Variants in MYO3A observed in about 807,000 individuals in gnomAD.
MYO3A encodes myosin IIIA.
MYO3A carries 180 observed loss-of-function variants against 192.7 expected under a neutral mutation model. That is an observed-to-expected ratio of 0.93 (90% CI 0.83 to 1.06). MYO3A has a LOEUF of 1.06. MYO3A is among the 50% of genes least tolerant of loss of function. The pLI is 0.00. For missense variants in MYO3A, 1,896 were observed against 1,905.0 expected (o/e 1.00, Z 0.09); for synonymous variants, 628 against 645.3 (o/e 0.97, Z 0.41).
intron 12 of MYO3A, 84 bp downstream of exon 12, chr10:26,068,968 A>C (rs1359407119): frequency 3.2e-6 from 3 of 939,176 alleles, no homozygotes; most frequent in Non-Finnish European, 5.1e-6. Flanking sequence ...GAATGCCAGA[A>C]AATTTTATCC....
chr10:25,992,724 T>C (rs553405454), intron 4 of MYO3A, among the ~76,000 whole-genome samples: 1 of 152,326 alleles, frequency 6.6e-6, no homozygotes, highest in Admixed American at 6.5e-5. Context: ...TGAAGGGCTG[T>C]TGAATTTTGT....
intron 31 of MYO3A, 73 bp downstream of exon 31, chr10:26,176,918 C>A: frequency 6.5e-7 from 1 of 1,539,224 alleles, no homozygotes; most frequent in Non-Finnish European, 9.0e-7. Context: ...AGTTTCCCAC[C>A]ATTATTCTAT....
intron 14 of MYO3A, among the ~76,000 whole-genome samples, chr10:26,084,837 A>G (rs1256273285): frequency 6.6e-6 from 1 of 152,220 alleles, no homozygotes; most frequent in African/African-American, 2.4e-5. Flanking sequence ...TTTAAGAAGT[A>G]TTGGTATTGA....
chr10:26,140,684 CAAAA>C (rs531657966), intron 20 of MYO3A, among the ~76,000 whole-genome samples: 1 of 68,820 alleles, frequency 1.5e-5, no homozygotes, highest in Non-Finnish European at 3.0e-5. Flanking sequence ...GACTCTGTCT[CAAAA>C]AAAAAAAAAA....
chr10:26,088,503 A>G, intron 15 of MYO3A, 98 bp downstream of exon 15: 1 of 1,156,074 alleles, frequency 8.6e-7, no homozygotes, highest in Non-Finnish European at 1.3e-6. Flanking sequence ...AATTTTATTT[A>G]TCACTTACTA....
chr10:26,044,765 G>A (rs1843542015), intron 10 of MYO3A, among the ~76,000 whole-genome samples: 1 of 152,008 alleles, frequency 6.6e-6, no homozygotes, highest in Non-Finnish European at 1.5e-5. Context: ...TCCTAAGGAA[G>A]GGTGGGGCTA....
At chr10:26,015,124 A>G (rs894649346) in intron 6 of MYO3A, among the ~76,000 whole-genome samples, 2 of 152,232 alleles carry the variant, frequency 1.3e-5, no homozygotes, top group African/African-American at 4.8e-5. Flanking sequence ...AAGCATTAAC[A>G]TAAACCTAAA....
chr10:26,162,917 G>C (rs1243121607), intron 26 of MYO3A, among the ~76,000 whole-genome samples: 1 of 152,218 alleles, frequency 6.6e-6, no homozygotes, highest in Non-Finnish European at 1.5e-5. Flanking sequence ...AAGATACATT[G>C]AGGAGAGTTT....
At chr10:26,116,261 G>A (rs1588982705) in intron 17 of MYO3A, among the ~76,000 whole-genome samples, 1 of 152,154 alleles carries the variant, frequency 6.6e-6, no homozygotes, top group African/African-American at 2.4e-5. Flanking sequence ...TCTGTTCTAT[G>A]CTCCGCTCCG....
chr10:25,974,667 C>A (rs763490297), intron 4 of MYO3A, among the ~76,000 whole-genome samples: 3 of 152,170 alleles, frequency 2.0e-5, no homozygotes, highest in Admixed American at 1.3e-4. Context: ...ACTGTTCTAA[C>A]TGAGATTGTG....
intron 18 of MYO3A, among the ~76,000 whole-genome samples, chr10:26,122,356 A>T (rs577519112): frequency 1.3e-5 from 2 of 152,296 alleles, no homozygotes; most frequent in African/African-American, 4.8e-5. Flanking sequence ...TAGAAACTTT[A>T]TTAATTTACA....
intron 10 of MYO3A, among the ~76,000 whole-genome samples, chr10:26,062,324 T>G (rs1216978839): frequency 1.3e-5 from 2 of 151,450 alleles, no homozygotes; most frequent in Admixed American, 6.6e-5. Flanking sequence ...ATTGAGACCA[T>G]CCTGGCTAAC....
At position 26,126,678 on chromosome 10, in the gene MYO3A, G is replaced by A. The variant is rs147752428; in HGVS notation, c.2114+1070G>A. ...TTATCTGTATATTCCAGAAAATGTA[G>A]GCAAGATGGCAAGATATTTAGAGAT... On this transcript the variant is annotated intron_variant, in intron 19 of 34. Transcript: ENST00000642920. Among the ~76,000 whole-genome samples the A allele has an allele frequency of 9.2e-5, 14 of 152,162 alleles. No individual in the cohort carries two copies. The East Asian group carries it at 2.7e-3, about 29-fold the overall frequency.
At chr10:26,103,392 G>C (rs1386804020) in intron 17 of MYO3A, among the ~76,000 whole-genome samples, 3 of 152,190 alleles carry the variant, frequency 2.0e-5, no homozygotes, top group Non-Finnish European at 4.4e-5. Flanking sequence ...TGCACCCACT[G>C]TCTGACAAGC....
At chr10:26,168,973 TC>T in intron 28 of MYO3A, 99 bp downstream of exon 28, 1 of 1,223,642 alleles carries the variant, frequency 8.2e-7, no homozygotes, top group Non-Finnish European at 1.2e-6. Context: ...TGTGTTTAAT[TC>T]CAGACTGTGT....
chr10:25,938,323 C>A (rs987917874), intron 2 of MYO3A, among the ~76,000 whole-genome samples: 1 of 152,094 alleles, frequency 6.6e-6, no homozygotes, highest in Non-Finnish European at 1.5e-5. Flanking sequence ...TAAGTCCCGT[C>A]GGAAGGCAAT....
At chr10:26,005,781 T>C (rs909012791) in intron 6 of MYO3A, among the ~76,000 whole-genome samples, 7 of 152,048 alleles carry the variant, frequency 4.6e-5, no homozygotes, top group African/African-American at 1.7e-4. Context: ...AATAATACAC[T>C]GAAAAAGAAA....
intron 6 of MYO3A, among the ~76,000 whole-genome samples, chr10:26,005,447 T>G (rs1190540661): frequency 6.7e-6 from 1 of 149,094 alleles, no homozygotes; most frequent in African/African-American, 2.6e-5. Context: ...AGGACATATT[T>G]AGGACAGTTG....
intron 7 of MYO3A, among the ~76,000 whole-genome samples, chr10:26,018,858 A>T (rs953251711): frequency 7.2e-5 from 11 of 152,316 alleles, no homozygotes; most frequent in African/African-American, 2.6e-4. Flanking sequence ...TTATCCTGAA[A>T]AATAATTTTC....
Sources: allele counts gnomAD v4.1 joint callset (sites outside exome capture counted in the v4.1 genomes callset), GRCh38; gene constraint gnomAD v4.1.1; transcripts MANE v1.5; gene names NCBI Gene and HGNC (gene_info 2026-07-23, HGNC 2026-07-21).